Variants in RNF130 observed in about 807,000 individuals in gnomAD.
The protein encoded by RNF130 is E3 ubiquitin-protein ligase RNF130.
In RNF130, 21 loss-of-function variants were observed where a neutral mutation model predicts 44.6. The ratio of observed to expected loss-of-function variants is 0.47; its 90% CI spans 0.33 to 0.68. The LOEUF (loss-of-function observed/expected upper bound fraction) is 0.68. Among genes scored for constraint, RNF130 ranks in the 30% least tolerant of loss-of-function variants. The pLI is 0.02. For synonymous variants in RNF130, 214 were observed against 210.4 expected (o/e 1.02, Z -0.15); for missense variants, 479 against 560.6 (o/e 0.85, Z 1.47).
chr5:180,052,382 T>G (rs1290342639), intron 1 of RNF130, among the ~76,000 whole-genome samples: 1 of 152,172 alleles, frequency 6.6e-6, no homozygotes, highest in Non-Finnish European at 1.5e-5. Context: ...AGGACGAAAA[T>G]TCCTGTTGGA....
At chr5:179,985,688 A>T (rs1429095174) in intron 3 of RNF130, among the ~76,000 whole-genome samples, 1 of 152,158 alleles carries the variant, frequency 6.6e-6, no homozygotes, top group Non-Finnish European at 1.5e-5. Context: ...TGGTATTTAT[A>T]ATTTCCCTTC....
downstream of RNF130, among the ~76,000 whole-genome samples, chr5:179,951,447 G>A (rs530427817): frequency 6.8e-4 from 103 of 151,316 alleles, no homozygotes; most frequent in African/African-American, 2.4e-3. Flanking sequence ...GCAGTGGCGC[G>A]ATCTCGGCTC....
chr5:179,958,101 T>C (rs900752268), intron 8 of RNF130, among the ~76,000 whole-genome samples: 3 of 152,048 alleles, frequency 2.0e-5, no homozygotes, highest in African/African-American at 7.2e-5. Context: ...ATGGTCTCGA[T>C]CTCCTGACCT....
At chr5:179,923,914 G>A (rs559793350) in intron 7 of RNF130, among the ~76,000 whole-genome samples, 4 of 152,278 alleles carry the variant, frequency 2.6e-5, no homozygotes, top group South Asian at 2.1e-4. Context: ...TGATGGGCAC[G>A]GAGGTTTGCG....
intron 3 of RNF130, among the ~76,000 whole-genome samples, chr5:179,996,610 G>A (rs1234530893): frequency 3.9e-5 from 6 of 152,130 alleles, no homozygotes; most frequent in South Asian, 4.1e-4. Flanking sequence ...GTGATGCATC[G>A]CATTTATGGA....
chr5:179,983,031 T>C (rs983838821), intron 3 of RNF130, among the ~76,000 whole-genome samples: 5 of 152,234 alleles, frequency 3.3e-5, no homozygotes, highest in African/African-American at 1.2e-4. Context: ...GAAGTGTCTG[T>C]TCATGTGTTT....
intron 1 of RNF130, among the ~76,000 whole-genome samples, chr5:180,051,398 C>T (rs1764686031): frequency 6.6e-6 from 1 of 151,910 alleles, no homozygotes; most frequent in Non-Finnish European, 1.5e-5. Flanking sequence ...TACAGGTGCC[C>T]GCCATCACAC....
intron 1 of RNF130, among the ~76,000 whole-genome samples, chr5:180,051,439 CG>C (rs1388250398): frequency 2.0e-5 from 3 of 151,816 alleles, no homozygotes; most frequent in Non-Finnish European, 2.9e-5. Context: ...TTAGTAGAGA[CG>C]GGGTTTCACC....
chr5:180,022,078 G>A (rs536716743), intron 2 of RNF130, among the ~76,000 whole-genome samples: 17 of 152,316 alleles, frequency 1.1e-4, no homozygotes, highest in African/African-American at 1.2e-4. Context: ...GTAACAACAC[G>A]GAGGTGAGGC....
chr5:180,003,727 G>A (rs248319), intron 3 of RNF130, among the ~76,000 whole-genome samples: 3 of 151,760 alleles, frequency 2.0e-5, no homozygotes, highest in Admixed American at 6.6e-5. Flanking sequence ...ATTTGCATCC[G>A]GCTAACTCTC....
intron 1 of RNF130, among the ~76,000 whole-genome samples, chr5:180,059,668 C>T (rs921880162): frequency 2.0e-5 from 3 of 152,104 alleles, no homozygotes; most frequent in Admixed American, 6.5e-5. Context: ...AGCACTGATA[C>T]GAAACAATGA....
At position 180,011,322 on chromosome 5, in the gene RNF130, A is replaced by T. The variant is rs185957294; in HGVS notation, c.693+1739T>A. On this transcript the variant is annotated intron_variant, in intron 3 of 8. Transcript: ENST00000521389. ...CCCAAAAAAGGTCTATCAATCAGAT[A>T]ATGTATTATATCAATGTTAATTTAC... Among the ~76,000 whole-genome samples, 78 of 152,366 alleles carry T rather than the reference A, an allele frequency of 5.1e-4. 1 individual carries two copies. In the East Asian group the frequency reaches 0.013, roughly 26 times the overall value.
At chr5:179,972,355 G>A (rs1050811377) in intron 5 of RNF130, among the ~76,000 whole-genome samples, 1 of 152,240 alleles carries the variant, frequency 6.6e-6, no homozygotes, top group African/African-American at 2.4e-5. Flanking sequence ...GAGGAGTACG[G>A]ACCTATGCAC....
chr5:179,947,761 T>C (rs1762065917), intron 7 of RNF130, among the ~76,000 whole-genome samples: 1 of 152,258 alleles, frequency 6.6e-6, no homozygotes, highest in Admixed American at 6.5e-5. Context: ...AGTATATGTG[T>C]GTATATGTAA....
chr5:180,063,775 G>C (rs952244887), intron 1 of RNF130, among the ~76,000 whole-genome samples: 1 of 152,206 alleles, frequency 6.6e-6, no homozygotes. Context: ...CTGTTGAGCT[G>C]TAGGAAGCAT....
downstream of RNF130, among the ~76,000 whole-genome samples, chr5:179,951,167 C>A (rs913610167): frequency 8.5e-5 from 13 of 152,124 alleles, no homozygotes; most frequent in Admixed American, 5.2e-4. Flanking sequence ...CATTCTTCAA[C>A]CCCGTATGCA....
chr5:179,931,032 CAAAAAAAAAAAA>C (rs34266288), intron 7 of RNF130, among the ~76,000 whole-genome samples: 1 of 74,302 alleles, frequency 1.3e-5, no homozygotes. Context: ...ACCTCTGTCT[CAAAAAAAAAAAA>C]AAAAAAAAAA....
At chr5:180,065,667 G>A (rs1765088006) in intron 1 of RNF130, among the ~76,000 whole-genome samples, 2 of 151,956 alleles carry the variant, frequency 1.3e-5, no homozygotes, top group Admixed American at 6.6e-5. Flanking sequence ...GGCTGAAGCA[G>A]GAGAATTGCT....
At chr5:179,914,283 C>T (rs984081076) in exon 8 of RNF130, 1 of 152,282 alleles carries the variant, frequency 6.6e-6, no homozygotes, top group Non-Finnish European at 1.5e-5. Flanking sequence ...TACTCATCTT[C>T]CCACACTCCC....
Sources: allele counts gnomAD v4.1 joint callset (sites outside exome capture counted in the v4.1 genomes callset), GRCh38; gene constraint gnomAD v4.1.1; transcripts MANE v1.5; gene names NCBI Gene and HGNC (gene_info 2026-07-23, HGNC 2026-07-21).